Variants in IFT56 observed in about 807,000 individuals in gnomAD.
The protein encoded by IFT56 is intraflagellar transport 56.
chr7:139,147,348 A>G, the IFT56 span: 37 of 1,463,122 alleles, frequency 2.5e-5, 1 homozygote, highest in South Asian at 4.5e-4. Context: ...TTCTTCTTTA[A>G]CTAGTTTGAG....
chr7:139,138,518 ATGTATCT>A, the IFT56 span, among the ~76,000 whole-genome samples: 1 of 152,202 alleles, frequency 6.6e-6, no homozygotes, highest in Non-Finnish European at 1.5e-5. Context: ...GTATATGTAC[ATGTATCT>A]TGTGTACGTT....
chr7:139,180,107 G>A, the IFT56 span, among the ~76,000 whole-genome samples: 1 of 151,392 alleles, frequency 6.6e-6, no homozygotes, highest in Admixed American at 6.6e-5. Flanking sequence ...GGAGGCCAAG[G>A]CGGGTGGATC....
the IFT56 span, among the ~76,000 whole-genome samples, chr7:139,147,819 C>A: frequency 6.6e-6 from 1 of 152,172 alleles, no homozygotes; most frequent in Admixed American, 6.6e-5. Context: ...AAAAATATCT[C>A]ATCCCCCTTC....
the IFT56 span, among the ~76,000 whole-genome samples, chr7:139,186,095 T>G: frequency 6.6e-6 from 1 of 150,646 alleles, no homozygotes; most frequent in Non-Finnish European, 1.5e-5. Context: ...AAGCCTTAAG[T>G]GAAATTGGTA....
At chr7:139,138,228 C>T in the IFT56 span, among the ~76,000 whole-genome samples, 2 of 152,278 alleles carry the variant, frequency 1.3e-5, no homozygotes, top group East Asian at 3.9e-4. Context: ...AGGTCAATCT[C>T]AGTCTAAAAA....
At chr7:139,168,364 G>A in the IFT56 span, 6 of 1,608,968 alleles carry the variant, frequency 3.7e-6, no homozygotes, top group Non-Finnish European at 5.1e-6. Context: ...TCAAAGGAGT[G>A]GTCAATGCAG....
At chr7:139,153,362 A>C in the IFT56 span, among the ~76,000 whole-genome samples, 1 of 151,896 alleles carries the variant, frequency 6.6e-6, no homozygotes, top group Admixed American at 6.5e-5. Context: ...GAGGCACGAG[A>C]ATCACTTGAA....
the IFT56 span, chr7:139,134,803 A>AT: frequency 1.2e-6 from 2 of 1,611,366 alleles, no homozygotes; most frequent in South Asian, 1.1e-5. Flanking sequence ...GTAATGCCCA[A>AT]AGAACGTTGC....
chr7:139,158,818 G>A, the IFT56 span, among the ~76,000 whole-genome samples: 2 of 152,066 alleles, frequency 1.3e-5, no homozygotes, highest in Non-Finnish European at 2.9e-5. Flanking sequence ...GGAGGCTGAG[G>A]TGGGAGGATC....
chr7:139,166,758 G>T, the IFT56 span: 1 of 724,686 alleles, frequency 1.4e-6, no homozygotes, highest in Non-Finnish European at 2.5e-6. Context: ...TTTAAGTACT[G>T]AAGGATCTTA....
chr7:139,134,395 C>T, the IFT56 span, among the ~76,000 whole-genome samples: 2,458 of 152,074 alleles, frequency 0.016, 67 homozygotes, highest in African/African-American at 0.056. Flanking sequence ...CTCAGCCTCC[C>T]GAGTAGCTGG....
chr7:139,172,932 G>A, the IFT56 span: 1 of 721,950 alleles, frequency 1.4e-6, no homozygotes, highest in Non-Finnish European at 2.6e-6. Context: ...GGAACAGCTT[G>A]GTTATACTGG....
chr7:139,134,328 G>A, the IFT56 span, among the ~76,000 whole-genome samples: 2 of 150,848 alleles, frequency 1.3e-5, no homozygotes, highest in Non-Finnish European at 2.9e-5. Flanking sequence ...TTGGAGTGCA[G>A]TGGCGCGATC....
At chr7:139,135,302 A>C in the IFT56 span, among the ~76,000 whole-genome samples, 10 of 139,578 alleles carry the variant, frequency 7.2e-5, no homozygotes, top group African/African-American at 2.2e-4. Flanking sequence ...AAAAAAACAA[A>C]ACAAAACTTA....
At chr7:139,140,097 A>G in the IFT56 span, 4 of 549,572 alleles carry the variant, frequency 7.3e-6, no homozygotes, top group South Asian at 5.2e-5. Context: ...TTCTCTTGAG[A>G]AAAAAAAAAT....
chr7:139,139,325 C>T, the IFT56 span, among the ~76,000 whole-genome samples: 1 of 152,078 alleles, frequency 6.6e-6, no homozygotes, highest in Admixed American at 6.6e-5. Context: ...GAACAACCCA[C>T]TTGTAGTAAG....
chr7:139,158,680 G>A, the IFT56 span, among the ~76,000 whole-genome samples: 1 of 152,162 alleles, frequency 6.6e-6, no homozygotes, highest in Non-Finnish European at 1.5e-5. Flanking sequence ...TTGGGAGGCT[G>A]AGATAGGCGG....
chr7:139,143,962 C>A, the IFT56 span, among the ~76,000 whole-genome samples: 1 of 152,126 alleles, frequency 6.6e-6, no homozygotes, highest in Non-Finnish European at 1.5e-5. Flanking sequence ...CATTTAAACT[C>A]ATTTACTCTC....
At chr7:139,181,417 A>T in the IFT56 span, among the ~76,000 whole-genome samples, 1 of 152,208 alleles carries the variant, frequency 6.6e-6, no homozygotes, top group Admixed American at 6.5e-5. Flanking sequence ...TTTAGACAGG[A>T]AGTTTTAGAT....
Sources: allele counts gnomAD v4.1 joint callset (sites outside exome capture counted in the v4.1 genomes callset), GRCh38; gene constraint gnomAD v4.1.1; transcripts MANE v1.5; gene names NCBI Gene and HGNC (gene_info 2026-07-23, HGNC 2026-07-21).